C2orf49: variants seen among roughly 807,000 people sequenced by gnomAD.
C2orf49 encodes the protein tRNA-splicing ligase complex subunit ASW.
Under a neutral mutation model 20.6 loss-of-function variants are expected in C2orf49, and 11 were observed. The observed-to-expected ratio is 0.53, with a 90% CI of 0.34 to 0.88. The LOEUF is 0.88. Among genes scored for constraint, C2orf49 ranks in the 40% least tolerant of loss-of-function variants. The pLI is 0.02. For synonymous variants in C2orf49, 134 were observed against 108.5 expected, an observed-to-expected ratio of 1.24 and a Z score of -1.46; for missense variants, 289 against 274.2, an observed-to-expected ratio of 1.05 and a Z score of -0.38.
Position 105,337,754 on chromosome 2 carries a change from G to T in C2orf49, c.99+68G>T, listed in dbSNP as rs559765519. ...AGGTGAGGCGCTTGCACCCGAGCTT[G>T]CCTTAAGTAGCCCTCGGCAACCACG... On this transcript the variant is annotated intron_variant, in intron 1 of 3. Coordinates refer to ENST00000258457, the MANE Select transcript of C2orf49 (RefSeq NM_024093.3). 51 of 1,396,206 alleles carry T rather than the reference G, an allele frequency of 3.7e-5. No homozygotes were observed. The East Asian group carries it at 1.1e-3, about 29-fold the overall frequency. 86.5% of individuals were successfully genotyped at this position (1,396,206 alleles called of 1,614,324 possible).
chr2:105,381,487 G>A, the C2orf49 span, among the ~76,000 whole-genome samples: 9 of 152,082 alleles, frequency 5.9e-5, no homozygotes, highest in Non-Finnish European at 7.3e-5. Context: ...ATTTGGTTCC[G>A]GGGTCCAGCC....
At chr2:105,360,946 A>G in the C2orf49 span, 2 of 186,180 alleles carry the variant, frequency 1.1e-5, no homozygotes, top group East Asian at 2.7e-4. Context: ...AAAACTTTCA[A>G]GTTCGTGACA....
At chr2:105,366,189 G>A in the C2orf49 span, among the ~76,000 whole-genome samples, 2 of 151,878 alleles carry the variant, frequency 1.3e-5, no homozygotes, top group African/African-American at 4.8e-5. Flanking sequence ...CAGCCTGGGC[G>A]ACAGTGTGAG....
chr2:105,378,350 C>T, the C2orf49 span: 2 of 371,288 alleles, frequency 5.4e-6, no homozygotes. Flanking sequence ...CGCAGCCTGT[C>T]CCCCCACACC....
intron 2 of C2orf49, among the ~76,000 whole-genome samples, chr2:105,341,070 A>T (rs933158736): frequency 6.6e-6 from 1 of 152,218 alleles, no homozygotes; most frequent in Non-Finnish European, 1.5e-5. Context: ...TTTTAGATTG[A>T]CCATTTTAGC....
the C2orf49 span, among the ~76,000 whole-genome samples, chr2:105,381,696 A>G: frequency 6.6e-6 from 1 of 152,302 alleles, no homozygotes; most frequent in Admixed American, 6.5e-5. Context: ...TTTGTCTTTT[A>G]GGAGGAAATC....
chr2:105,360,233 T>C, the C2orf49 span: 64,772 of 144,576 alleles, frequency 0.45, 14,747 homozygotes, highest in Non-Finnish European at 0.52. Context: ...ACGCGGGAAG[T>C]GGAGGTTGCA....
the C2orf49 span, chr2:105,367,783 G>A: frequency 1.3e-6 from 2 of 1,571,136 alleles, no homozygotes; most frequent in African/African-American, 2.7e-5. Flanking sequence ...TATGGTTAGA[G>A]GGGTGTGGAG....
chr2:105,384,017 A>G, the C2orf49 span, among the ~76,000 whole-genome samples: 2 of 152,212 alleles, frequency 1.3e-5, no homozygotes, highest in African/African-American at 4.8e-5. Context: ...TTATTTGCTC[A>G]TAAAACATGC....
intron 2 of C2orf49, among the ~76,000 whole-genome samples, chr2:105,342,618 A>T (rs1357393668): frequency 6.6e-6 from 1 of 152,256 alleles, no homozygotes; most frequent in African/African-American, 2.4e-5. Context: ...CATGTTGTGT[A>T]TACATGAAAG....
At chr2:105,365,962 T>C in the C2orf49 span, among the ~76,000 whole-genome samples, 1 of 152,050 alleles carries the variant, frequency 6.6e-6, no homozygotes, top group African/African-American at 2.4e-5. Context: ...CCCAGCACTT[T>C]GGGAGGTGGA....
At chr2:105,376,146 C>A in the C2orf49 span, 1 of 152,198 alleles carries the variant, frequency 6.6e-6, no homozygotes, top group Non-Finnish European at 1.5e-5. Context: ...CACGGCACAG[C>A]CCTGCAAGGT....
Position 105,342,881 on chromosome 2 carries a change from C to A in C2orf49, c.300C>A (p.Pro100=). 6.2e-7 allele frequency: 1 copy of A among 1,613,988 alleles called. No individual in the cohort carries two copies. The highest frequency in any genetic ancestry group is 1.1e-5 in the South Asian group (1 of 91,070). ...CTGTAGATGGGTTAAGGAAAAGACC[C>A]CTCATCGTATTTGATGGAAGTTCAA... ...SSTVDGLRKR[P]LIVFDGSSTS... is the part of the protein sequence containing the mutation. Residue 100 remains proline (P), a synonymous_variant, in exon 3 of 4, where the codon CCC becomes CCA. Coordinates refer to ENST00000258457, the MANE Select transcript of C2orf49 (RefSeq NM_024093.3).
chr2:105,366,787 C>G, the C2orf49 span, among the ~76,000 whole-genome samples: 3 of 152,236 alleles, frequency 2.0e-5, no homozygotes, highest in East Asian at 5.8e-4. Context: ...GCTCAGTCGC[C>G]CAGGCTGGAG....
chr2:105,361,318 C>A, the C2orf49 span: 1 of 1,613,952 alleles, frequency 6.2e-7, no homozygotes, highest in Non-Finnish European at 8.5e-7. Context: ...CACAGGATGT[C>A]GTCCCTCTCT....
chr2:105,382,003 C>G, the C2orf49 span, among the ~76,000 whole-genome samples: 1 of 152,148 alleles, frequency 6.6e-6, no homozygotes, highest in Non-Finnish European at 1.5e-5. Context: ...CCAAAATATA[C>G]TAGGGGCATC....
the C2orf49 span, chr2:105,357,951 A>G: frequency 6.6e-6 from 1 of 152,154 alleles, no homozygotes; most frequent in Non-Finnish European, 1.5e-5. Context: ...GCCTTAGAGA[A>G]TGCTTTCAAG....
intron 2 of C2orf49, among the ~76,000 whole-genome samples, chr2:105,340,893 G>T (rs1034515996): frequency 6.6e-6 from 1 of 152,192 alleles, no homozygotes; most frequent in Admixed American, 6.5e-5. Flanking sequence ...GAGTAGGAGG[G>T]TAGGGGTAAA....
the C2orf49 span, chr2:105,373,405 G>A: frequency 1.1e-5 from 8 of 746,562 alleles, no homozygotes; most frequent in Admixed American, 2.1e-5. Context: ...TCCCTGCTTC[G>A]TAAGTACTCT....
Sources: allele counts gnomAD v4.1 joint callset (sites outside exome capture counted in the v4.1 genomes callset), GRCh38; gene constraint gnomAD v4.1.1; transcripts MANE v1.5; gene names NCBI Gene and HGNC (gene_info 2026-07-23, HGNC 2026-07-21).